The following GAN variants were observed in gnomAD, a reference collection of about 807,000 sequenced individuals.
GAN encodes epididymis secretory sperm binding protein.
GAN carries 48 observed loss-of-function variants against 71.3 expected under a neutral mutation model. The observed-to-expected ratio is 0.67, with a 90% CI of 0.53 to 0.86. The LOEUF is 0.86. Among genes scored for constraint, GAN ranks in the 40% least tolerant of loss-of-function variants. The probability of loss-of-function intolerance (pLI) is 0.00; values close to 1 mark genes in which losing one functional copy is unlikely to be tolerated. For missense variants in GAN, 928 were observed against 770.1 expected (o/e 1.21, Z -2.43); for synonymous variants, 386 against 276.8 (o/e 1.39, Z -3.92).
At chr16:81,331,115 G>C (rs2150671998) in intron 1 of GAN, among the ~76,000 whole-genome samples, 1 of 152,354 alleles carries the variant, frequency 6.6e-6, no homozygotes, top group Non-Finnish European at 1.5e-5. Flanking sequence ...TGAGGGAGGA[G>C]GATCACTTGA....
rs1160134119 is a variant in GAN at position 81,377,610 on chromosome 16, C to G, written c.*14C>G. On this transcript the variant is annotated 3_prime_UTR_variant, in exon 11 of 11. Coordinates refer to ENST00000648994, the MANE Select transcript of GAN (RefSeq NM_022041.4). ...CATTCCCCTTGAGGAGGAAGCAGAG[C>G]AGAGTGCGAGATCCTGACCCAAGAG... 2.5e-6 allele frequency: 4 copies of G among 1,611,406 alleles called. No homozygotes were observed. The highest frequency in any genetic ancestry group is 3.4e-6 in the Non-Finnish European group (4 of 1,177,786).
chr16:81,357,143 A>G lies in GAN; in HGVS notation c.851+141A>G, dbSNP rs569726498. The G allele has an allele frequency of 7.8e-5, 54 of 688,196 alleles. 1 individual carries two copies. In the South Asian group the frequency reaches 8.1e-4, roughly 10 times the overall value. 42.6% of individuals were successfully genotyped at this position (688,196 alleles called of 1,614,324 possible). A position where few individuals can be genotyped will look rare whatever the true frequency, so the allele number is the denominator to read the frequency against. On this transcript the variant is annotated intron_variant, in intron 4 of 10. Transcript: ENST00000648994. ...TTTTATACTTTAAGTTTTAGGGTAC[A>G]TGTGCACAATGTGCAGGTTAGTTAC...
intron 5 of GAN, 134 bp from the exon 6 acceptor site, chr16:81,362,365 A>T: frequency 1.4e-6 from 1 of 701,662 alleles, no homozygotes. Flanking sequence ...ATGGGATGTG[A>T]TAAAAGCCCT....
chr16:81,325,325 A>G (rs1428300240), intron 1 of GAN, among the ~76,000 whole-genome samples: 2 of 152,242 alleles, frequency 1.3e-5, no homozygotes, highest in Non-Finnish European at 2.9e-5. Flanking sequence ...GTATTTGAAC[A>G]AAGCCTTGGA....
At chr16:81,339,306 C>A (rs2150676812) in intron 1 of GAN, among the ~76,000 whole-genome samples, 1 of 152,302 alleles carries the variant, frequency 6.6e-6, no homozygotes, top group East Asian at 1.9e-4. Context: ...AAGCACTGGG[C>A]CTTAATCCTT....
chr16:81,340,038 C>G (rs1267835650), intron 1 of GAN, among the ~76,000 whole-genome samples: 2 of 152,090 alleles, frequency 1.3e-5, no homozygotes, highest in Non-Finnish European at 2.9e-5. Context: ...TCTCTTATTC[C>G]TTCCTCTTAG....
chr16:81,351,525 A>G, intron 1 of GAN, 58 bp from the exon 2 acceptor site: 1 of 788,928 alleles, frequency 1.3e-6, no homozygotes, highest in Non-Finnish European at 2.3e-6. Context: ...GAGTACATAA[A>G]TATTTATAGC....
intron 1 of GAN, among the ~76,000 whole-genome samples, chr16:81,334,730 G>A (rs1416438936): frequency 2.6e-5 from 4 of 152,186 alleles, no homozygotes; most frequent in Non-Finnish European, 5.9e-5. Flanking sequence ...GTGGGATGGA[G>A]TGCAGAAAAG....
chr16:81,364,071 C>G (rs1479628339), intron 7 of GAN, 128 bp downstream of exon 7: 4 of 814,774 alleles, frequency 4.9e-6, no homozygotes, highest in Non-Finnish European at 8.4e-6. Context: ...ATAGAACTCT[C>G]TTTATCGGTA....
chr16:81,330,409 C>T (rs1210763675), intron 1 of GAN, among the ~76,000 whole-genome samples: 1 of 152,200 alleles, frequency 6.6e-6, no homozygotes, highest in Non-Finnish European at 1.5e-5. Flanking sequence ...CCAGAAGGGA[C>T]TCCCAGAGGC....
Position 81,362,489 on chromosome 16 carries a change from A to G in GAN, c.974-10A>G. 1.4e-6 allele frequency: 2 copies of G among 1,434,124 alleles called. No homozygotes were observed. Among genetic ancestry groups the G allele is most frequent in the South Asian group, 2.3e-5 (2 of 87,406 alleles). 88.8% of individuals were successfully genotyped at this position (1,434,124 alleles called of 1,614,324 possible). A position where few individuals can be genotyped will look rare whatever the true frequency, so the allele number is the denominator to read the frequency against. ...ACATTTCATATTTGTGTTTCCTTTG[A>G]TCTTTGCAGAAGGATTTTTGTTTGT... On this transcript the variant is annotated splice_polypyrimidine_tract_variant and intron_variant, in intron 5 of 10. Transcript: ENST00000648994.
chr16:81,336,915 C>G (rs903381085), intron 1 of GAN, among the ~76,000 whole-genome samples: 5 of 152,076 alleles, frequency 3.3e-5, no homozygotes, highest in African/African-American at 1.2e-4. Context: ...ACATTTGTTA[C>G]AATTCCTGAA....
At chr16:81,368,363 C>A (rs1395910976) in intron 9 of GAN, among the ~76,000 whole-genome samples, 2 of 152,192 alleles carry the variant, frequency 1.3e-5, no homozygotes, top group East Asian at 3.8e-4. Flanking sequence ...CTCTGGGAGA[C>A]CCAGGTGGTA....
At chr16:81,324,177 C>G (rs759231311) in intron 1 of GAN, among the ~76,000 whole-genome samples, 1 of 152,130 alleles carries the variant, frequency 6.6e-6, no homozygotes, top group Non-Finnish European at 1.5e-5. Context: ...ACAGAAATGA[C>G]TTTCTTTAAG....
chr16:81,321,105 ATTTG>A (rs1487025194), intron 1 of GAN, among the ~76,000 whole-genome samples: 1 of 152,230 alleles, frequency 6.6e-6, no homozygotes, highest in African/African-American at 2.4e-5. Flanking sequence ...GTTTAAAGAT[ATTTG>A]TTTATTTTAT....
At position 81,385,615 on chromosome 16, in the gene GAN, A is replaced by T. The variant is rs1010177263; in HGVS notation, c.*8019A>T. The T allele has an allele frequency of 6.6e-6, 1 of 152,230 alleles. No homozygotes were observed. The highest frequency in any genetic ancestry group is 1.5e-5 in the Non-Finnish European group (1 of 68,152). 9.4% of individuals were successfully genotyped at this position (152,230 alleles called of 1,614,324 possible). ...GACCACTGTTGCTGCCACCATGATTATGTCACCTCTCAACATGGGGTGGTG... is the reference window on the plus strand; with the variant it reads ...GACCACTGTTGCTGCCACCATGATTTTGTCACCTCTCAACATGGGGTGGTG... On this transcript the variant is annotated 3_prime_UTR_variant, in exon 11 of 11. Coordinates refer to ENST00000648994, the MANE Select transcript of GAN (RefSeq NM_022041.4).
At chr16:81,370,328 C>G (rs1035425921) in intron 9 of GAN, among the ~76,000 whole-genome samples, 6 of 152,138 alleles carry the variant, frequency 3.9e-5, no homozygotes, top group Non-Finnish European at 7.4e-5. Flanking sequence ...AAGATGAACC[C>G]CACCCCCAAC....
chr16:81,344,350 G>A (rs768788140), intron 1 of GAN, among the ~76,000 whole-genome samples: 4 of 152,078 alleles, frequency 2.6e-5, no homozygotes, highest in Admixed American at 6.5e-5. Context: ...GAGGCATCAC[G>A]CTACCTGACT....
rs1385170701 is a variant in GAN, at chr16:81,382,302, G to T, written c.*4706G>T. On this transcript the variant is annotated 3_prime_UTR_variant, in exon 11 of 11. Coordinates refer to ENST00000648994, the MANE Select transcript of GAN (RefSeq NM_022041.4). ...TTTTCTAGGCATACAAGTATTTTTA[G>T]TAATAGAATAATCATTTTTAGTATT... The T allele has an allele frequency of 6.6e-6, 1 of 152,154 alleles. No individual in the cohort carries two copies. The highest frequency in any genetic ancestry group is 1.9e-4 in the East Asian group (1 of 5,196). 9.4% of individuals were successfully genotyped at this position (152,154 alleles called of 1,614,324 possible).
Sources: allele counts gnomAD v4.1 joint callset (sites outside exome capture counted in the v4.1 genomes callset), GRCh38; gene constraint gnomAD v4.1.1; transcripts MANE v1.5; gene names NCBI Gene and HGNC (gene_info 2026-07-23, HGNC 2026-07-21).